The following C2CD5 variants were observed in gnomAD, a reference collection of about 807,000 sequenced individuals.
C2CD5 encodes C2 calcium dependent domain containing 5.
A neutral mutation model predicts 130.3 loss-of-function variants in C2CD5; 109 were observed. The observed-to-expected ratio is 0.84, with a 90% CI of 0.72 to 0.98. C2CD5 has a LOEUF of 0.98. C2CD5 is among the 50% of genes least tolerant of loss of function. The probability of loss-of-function intolerance (pLI) is 0.00; values close to 1 mark genes in which losing one functional copy is unlikely to be tolerated. For missense variants in C2CD5, 996 were observed against 1,261.8 expected (o/e 0.79, Z 3.19); for synonymous variants, 454 against 429.2 (o/e 1.06, Z -0.71).
intron 22 of C2CD5, among the ~76,000 whole-genome samples, chr12:22,461,398 G>A (rs1407290209): frequency 6.6e-6 from 1 of 152,102 alleles, no homozygotes; most frequent in African/African-American, 2.4e-5. Flanking sequence ...TCTATACCTT[G>A]ATATTATCTG....
intron 14 of C2CD5, among the ~76,000 whole-genome samples, chr12:22,482,222 C>A (rs1475556545): frequency 6.6e-6 from 1 of 152,158 alleles, no homozygotes; most frequent in African/African-American, 2.4e-5. Context: ...TTCCCTGCAA[C>A]AAAGAGGTAT....
At chr12:22,515,366 A>T (rs1388824831) in intron 8 of C2CD5, among the ~76,000 whole-genome samples, 1 of 152,208 alleles carries the variant, frequency 6.6e-6, no homozygotes, top group Non-Finnish European at 1.5e-5. Flanking sequence ...AAACCTTTAC[A>T]AACTTCACAT....
At chr12:22,487,637 A>C (rs901341148) in intron 12 of C2CD5, among the ~76,000 whole-genome samples, 1 of 152,066 alleles carries the variant, frequency 6.6e-6, no homozygotes, top group African/African-American at 2.4e-5. Flanking sequence ...TGTGGAAGTC[A>C]GTGTGGCAAT....
chr12:22,510,077 C>T (rs1294648681), intron 9 of C2CD5, among the ~76,000 whole-genome samples: 5 of 152,022 alleles, frequency 3.3e-5, no homozygotes, highest in East Asian at 1.9e-4. Context: ...TAGTGGCGGA[C>T]GCCTGTAATC....
At chr12:22,457,339 G>A (rs1940107047) in intron 24 of C2CD5, among the ~76,000 whole-genome samples, 178 bp from the exon 25 acceptor site, 2 of 152,152 alleles carry the variant, frequency 1.3e-5, no homozygotes, top group South Asian at 4.1e-4. Context: ...AGAAAAACAT[G>A]AGAGGAAATG....
At chr12:22,527,642 A>C in intron 4 of C2CD5, 79 bp downstream of exon 4, 1 of 869,900 alleles carries the variant, frequency 1.1e-6, no homozygotes, top group Non-Finnish European at 1.7e-6. Context: ...TTAAACCAGC[A>C]AATATAGCAC....
intron 8 of C2CD5, among the ~76,000 whole-genome samples, chr12:22,515,825 A>G (rs1310554526): frequency 1.3e-5 from 2 of 151,998 alleles, no homozygotes; most frequent in South Asian, 2.1e-4. Context: ...CCTCTATAAA[A>G]ACTATACATA....
At chr12:22,518,936 T>G (rs902037198) in intron 7 of C2CD5, 1 of 471,780 alleles carries the variant, frequency 2.1e-6, no homozygotes, top group East Asian at 3.3e-5. Flanking sequence ...CACTTCCATA[T>G]AGTTAGAGAC....
chr12:22,507,743 C>G (rs1948729649), intron 9 of C2CD5, among the ~76,000 whole-genome samples: 1 of 152,196 alleles, frequency 6.6e-6, no homozygotes, highest in Admixed American at 6.5e-5. Flanking sequence ...ACTGGAATCA[C>G]TTACCAGTAG....
chr12:22,539,936 G>A (rs1015332342), intron 2 of C2CD5, among the ~76,000 whole-genome samples: 1 of 149,414 alleles, frequency 6.7e-6, no homozygotes, highest in African/African-American at 2.5e-5. Flanking sequence ...AGTTTACAGT[G>A]AGCTGAGATC....
At chr12:22,513,941 C>T (rs1291625592) in intron 8 of C2CD5, among the ~76,000 whole-genome samples, 7 of 151,966 alleles carry the variant, frequency 4.6e-5, no homozygotes, top group Admixed American at 1.3e-4. Flanking sequence ...TACATGTCAA[C>T]GCTCATTCAC....
intron 8 of C2CD5, among the ~76,000 whole-genome samples, chr12:22,515,731 T>C (rs1949654277): frequency 6.6e-6 from 1 of 152,032 alleles, no homozygotes; most frequent in South Asian, 2.1e-4. Flanking sequence ...TACTTTTCTT[T>C]TTCCTCTAAA....
chr12:22,535,031 T>C (rs1291257917), intron 3 of C2CD5: 3 of 351,264 alleles, frequency 8.5e-6, no homozygotes, highest in Non-Finnish European at 5.1e-6. Flanking sequence ...ATAATAATAA[T>C]ATAATACATC....
Position 22,544,502 on chromosome 12 carries a change from C to A in C2CD5, c.-212G>T. Reference sequence around the variant, plus strand: ...CTGCTTGTCTCTCCTCCCCCGCTCTCAAAAATGGCGGCTCTCGGGGCGCGG... The same window carrying A: ...CTGCTTGTCTCTCCTCCCCCGCTCTAAAAAATGGCGGCTCTCGGGGCGCGG... On this transcript the variant is annotated 5_prime_UTR_variant, in exon 1 of 27. Coordinates refer to ENST00000446597, the MANE Select transcript of C2CD5 (RefSeq NM_001286176.2). 5.3e-6 allele frequency: 1 copy of A among 187,738 alleles called. No homozygotes were observed. The highest frequency in any genetic ancestry group is 1.1e-5 in the Non-Finnish European group (1 of 91,430). The allele number at this position is 187,738 out of a possible 1,614,324, so 11.6% of individuals were successfully genotyped here.
intron 24 of C2CD5, 138 bp from the exon 25 acceptor site, chr12:22,457,299 A>G: frequency 2.0e-6 from 1 of 504,372 alleles, no homozygotes; most frequent in Non-Finnish European, 3.5e-6. Context: ...AGAAATTATC[A>G]TGCACTGCAT....
intron 3 of C2CD5, 32 bp from the exon 4 acceptor site, chr12:22,527,924 T>C (rs373014104): frequency 1.5e-5 from 21 of 1,430,692 alleles, no homozygotes; most frequent in East Asian, 4.7e-5. Context: ...AAAACTCATA[T>C]AGTTTTTAAA....
Position 22,482,745 on chromosome 12 carries a change from T to C in C2CD5, c.1551-2A>G. The stretch of plus-strand genomic sequence containing the variant: ...GCTTTCTTTTTTAAGCGACATAACC[T>C]GTAAAGGAAAATAAGTCAGTGAACA... On this transcript the variant is annotated splice_acceptor_variant, in intron 13 of 26. Transcript: ENST00000446597. LOFTEE classifies it high-confidence loss of function. The C allele has an allele frequency of 6.2e-7, 1 of 1,610,270 alleles. No homozygotes were observed. Among genetic ancestry groups the C allele is most frequent in the South Asian group, 1.1e-5 (1 of 90,854 alleles).
At chr12:22,495,645 CAT>C (rs1181505511) in intron 10 of C2CD5, among the ~76,000 whole-genome samples, 1 of 151,430 alleles carries the variant, frequency 6.6e-6, no homozygotes, top group East Asian at 1.9e-4. Flanking sequence ...TATTTTAACA[CAT>C]GAGCCACACA....
intron 14 of C2CD5, among the ~76,000 whole-genome samples, chr12:22,478,873 A>C (rs373148233): frequency 2.2e-4 from 34 of 151,920 alleles, no homozygotes; most frequent in African/African-American, 6.5e-4. Flanking sequence ...GGAAAAAAAA[A>C]CAAGAATGTG....
Sources: gnomAD v4.1 joint callset for allele counts (sites outside exome capture counted in the v4.1 genomes callset) on GRCh38, gnomAD v4.1.1 for gene constraint, MANE v1.5 for transcripts, NCBI Gene and HGNC (gene_info 2026-07-23, HGNC 2026-07-21) for gene names.